The following NF1 variants were observed in gnomAD, a reference collection of about 807,000 sequenced individuals.
NF1 encodes the protein neurofibromin.
Under a neutral mutation model 325.7 loss-of-function variants are expected in NF1, and 122 were observed. That is an observed-to-expected ratio of 0.37 (90% CI 0.32 to 0.44). The LOEUF (loss-of-function observed/expected upper bound fraction) is 0.44. Among genes scored for constraint, NF1 ranks in the 20% least tolerant of loss-of-function variants. The probability of loss-of-function intolerance (pLI) is 1.00; values close to 1 mark genes in which losing one functional copy is unlikely to be tolerated. For missense variants in NF1, 2,140 were observed against 3,415.4 expected, an observed-to-expected ratio of 0.63 and a Z score of 9.31; for synonymous variants, 1,091 against 1,186.0, an observed-to-expected ratio of 0.92 and a Z score of 1.65.
chr17:31,217,624 T>C (rs2066842807), intron 13 of NF1, among the ~76,000 whole-genome samples: 1 of 151,988 alleles, frequency 6.6e-6, no homozygotes, highest in Admixed American at 6.6e-5. Flanking sequence ...ATTCTTGAAG[T>C]GCAAATATAT....
At chr17:31,150,282 A>G (rs2143587507) in intron 1 of NF1, among the ~76,000 whole-genome samples, 1 of 152,280 alleles carries the variant, frequency 6.6e-6, no homozygotes, top group Non-Finnish European at 1.5e-5. Context: ...TTAGGGATAG[A>G]CAGCCTGTAC....
At chr17:31,236,126 T>TA in intron 29 of NF1, 105 bp downstream of exon 29, 1 of 790,226 alleles carries the variant, frequency 1.3e-6, no homozygotes, top group Non-Finnish European at 2.1e-6. Flanking sequence ...CCTTGATCAT[T>TA]AAAATTAGTT....
Position 31,095,010 on chromosome 17 carries a change from C to A in NF1, c.-300C>A. The A allele has an allele frequency of 1.8e-6, 1 of 561,464 alleles. No individual in the cohort carries two copies. The highest frequency in any genetic ancestry group is 3.2e-6 in the Non-Finnish European group (1 of 315,614). 34.8% of individuals were successfully genotyped at this position (561,464 alleles called of 1,614,324 possible). On this transcript the variant is annotated 5_prime_UTR_variant, in exon 1 of 58. The change creates a new upstream start codon in the 5' untranslated region. Transcript: ENST00000358273. Reference sequence around the variant, plus strand: ...TGGGGTGTCATGGCGGCGTCTCGGACTGTGATGGCTGTGGGGAGACGGCGC... The same window carrying A: ...TGGGGTGTCATGGCGGCGTCTCGGAATGTGATGGCTGTGGGGAGACGGCGC...
intron 46 of NF1, among the ~76,000 whole-genome samples, chr17:31,339,664 C>T (rs1039610328): frequency 1.3e-5 from 2 of 152,074 alleles, no homozygotes; most frequent in African/African-American, 2.4e-5. Flanking sequence ...AAGTCACATA[C>T]CTAATAAAAG....
At chr17:31,109,706 C>A (rs568817097) in intron 1 of NF1, among the ~76,000 whole-genome samples, 44 of 152,252 alleles carry the variant, frequency 2.9e-4, no homozygotes, top group African/African-American at 8.9e-4. Flanking sequence ...TCAACTAGAA[C>A]AATTAGAAAT....
chr17:31,158,310 A>G (rs1003330877), intron 2 of NF1, among the ~76,000 whole-genome samples: 1 of 152,102 alleles, frequency 6.6e-6, no homozygotes, highest in Non-Finnish European at 1.5e-5. Flanking sequence ...AAAAATTAGT[A>G]TTTTCCCCCC....
intron 31 of NF1, chr17:31,253,325 GCTGA>G (rs759097687): frequency 1.5e-5 from 4 of 260,146 alleles, no homozygotes; most frequent in Admixed American, 4.8e-5. Flanking sequence ...CTTAGGAAAC[GCTGA>G]CTGTCTTCAT....
chr17:31,274,925 A>T (rs1350321024), intron 36 of NF1, among the ~76,000 whole-genome samples: 1 of 152,084 alleles, frequency 6.6e-6, no homozygotes, highest in Non-Finnish European at 1.5e-5. Context: ...TTGTATCTAG[A>T]TATATTCTTC....
intron 25 of NF1, 83 bp from the exon 26 acceptor site, chr17:31,232,617 C>A: frequency 7.7e-7 from 1 of 1,301,046 alleles, no homozygotes. Flanking sequence ...ACACCATGCA[C>A]ATATGATTGT....
At chr17:31,192,865 G>A (rs561094755) in intron 8 of NF1, among the ~76,000 whole-genome samples, 2 of 152,292 alleles carry the variant, frequency 1.3e-5, no homozygotes, top group East Asian at 3.9e-4. Context: ...GGTTTGTAGG[G>A]CATGACTTCC....
At chr17:31,296,661 C>T in intron 36 of NF1, 1 of 298,516 alleles carries the variant, frequency 3.3e-6, no homozygotes, top group Non-Finnish European at 6.5e-6. Flanking sequence ...AAATAGCATT[C>T]TTTGCAAATA....
At chr17:31,285,348 G>T (rs2068206064) in intron 36 of NF1, among the ~76,000 whole-genome samples, 1 of 150,758 alleles carries the variant, frequency 6.6e-6, no homozygotes, top group African/African-American at 2.4e-5. Flanking sequence ...AATGAACGTT[G>T]TTCATCTCAG....
In NF1 at chr17:31,158,073, C is replaced by T. The variant is rs193160082; in HGVS notation, c.205-937C>T. ...TATATTTCTGTATCCTTTAACAAAT[C>T]TCTACCCACCCCGATTCTCCCTACC... On this transcript the variant is annotated intron_variant, in intron 2 of 57. Transcript: ENST00000358273. Among the ~76,000 whole-genome samples, 338 of 152,182 alleles carry T rather than the reference C, an allele frequency of 2.2e-3. 2 individuals are homozygous for T. Among genetic ancestry groups the T allele is most frequent in the African/African-American group, 7.7e-3 (319 of 41,530 alleles).
intron 36 of NF1, among the ~76,000 whole-genome samples, chr17:31,268,212 G>C (rs1273353086): frequency 6.6e-6 from 1 of 152,172 alleles, no homozygotes; most frequent in East Asian, 1.9e-4. Context: ...AAGAAAATAT[G>C]ATTCAGCTAA....
chr17:31,182,893 C>T, intron 8 of NF1: 1 of 602,832 alleles, frequency 1.7e-6, no homozygotes, highest in South Asian at 2.1e-5. Flanking sequence ...TTAAAATAAT[C>T]CCTTAGTTTC....
At chr17:31,205,366 C>A (rs1041134837) in intron 11 of NF1, among the ~76,000 whole-genome samples, 1 of 151,948 alleles carries the variant, frequency 6.6e-6, no homozygotes, top group African/African-American at 2.4e-5. Context: ...AATTAGAAGC[C>A]TACATTTTAG....
At chr17:31,349,445 T>C (rs1481492598) in intron 49 of NF1, among the ~76,000 whole-genome samples, 194 bp downstream of exon 49, 2 of 152,172 alleles carry the variant, frequency 1.3e-5, no homozygotes, top group Non-Finnish European at 2.9e-5. Flanking sequence ...TTAATTCCCA[T>C]TAAAATCTGA....
intron 13 of NF1, among the ~76,000 whole-genome samples, chr17:31,217,307 A>G (rs2066834748): frequency 1.5e-5 from 1 of 67,324 alleles, no homozygotes; most frequent in Non-Finnish European, 2.8e-5. Flanking sequence ...TTGGCTTCAT[A>G]TATTCTTCTT....
At chr17:31,287,043 T>C (rs1160834384) in intron 36 of NF1, among the ~76,000 whole-genome samples, 1 of 152,264 alleles carries the variant, frequency 6.6e-6, no homozygotes, top group Non-Finnish European at 1.5e-5. Flanking sequence ...ATCCTTGGCC[T>C]TATGGTATCC....
Sources: gnomAD v4.1 joint callset for allele counts (sites outside exome capture counted in the v4.1 genomes callset) on GRCh38, gnomAD v4.1.1 for gene constraint, MANE v1.5 for transcripts, NCBI Gene and HGNC (gene_info 2026-07-23, HGNC 2026-07-21) for gene names.